The following CRTAM variants were observed in gnomAD, a reference collection of about 807,000 sequenced individuals.
CRTAM encodes cytotoxic and regulatory T-cell molecule.
A neutral mutation model predicts 50.0 loss-of-function variants in CRTAM; 44 were observed. The observed-to-expected ratio is 0.88, with a 90% CI of 0.69 to 1.13. The LOEUF (loss-of-function observed/expected upper bound fraction) is 1.13. CRTAM is among the 50% of genes most tolerant of loss of function. CRTAM has a pLI of 0.00. For missense variants in CRTAM, 448 were observed against 457.5 expected (o/e 0.98, Z 0.19); for synonymous variants, 159 against 169.3 (o/e 0.94, Z 0.47).
chr11:122,868,076 C>T lies in CRTAM; in HGVS notation c.1028C>T (p.Ser343Leu). 1 of 1,611,872 alleles carries T rather than the reference C, an allele frequency of 6.2e-7. No homozygotes were observed. The highest frequency in any genetic ancestry group is 8.5e-7 in the Non-Finnish European group (1 of 1,178,124). ...YRSRSNNEET[S>L]SEEKNGQSSH... ...TCAAGGTCAAATAATGAAGAAACAT[C>T]ATCTGAAGAGAAAAATGGCCAATGT... The change falls in exon 9 of 10, where the codon TCA becomes TTA. Residue 343 changes from serine (S) to leucine (L), a missense_variant. By Grantham distance (145) the Ser-to-Leu change is moderately radical (BLOSUM62 -2). Transcript: ENST00000227348.
At chr11:122,862,365 A>G in intron 5 of CRTAM, 99 bp from the exon 6 acceptor site, 1 of 779,216 alleles carries the variant, frequency 1.3e-6, no homozygotes, top group Non-Finnish European at 2.3e-6. Flanking sequence ...CTCTACAAGC[A>G]GGTAGCCGCT....
rs201784769 is a variant in CRTAM at position 122,859,171 on chromosome 11, C to T, written c.653-3293C>T. Reference sequence around the variant, plus strand: ...ATTTTTTGAGATGAGTGCAGTGGCCCGATCTCAGCTCACTGCAACTTCCGC... The same window carrying T: ...ATTTTTTGAGATGAGTGCAGTGGCCTGATCTCAGCTCACTGCAACTTCCGC... On this transcript the variant is annotated intron_variant, in intron 5 of 9. Coordinates refer to ENST00000227348, the MANE Select transcript of CRTAM (RefSeq NM_019604.4). Among the ~76,000 whole-genome samples the T allele has an allele frequency of 7.9e-5, 12 of 151,904 alleles. No homozygotes were observed. The East Asian group carries it at 1.7e-3, about 22-fold the overall frequency.
intron 5 of CRTAM, among the ~76,000 whole-genome samples, chr11:122,858,050 C>G (rs1425275934): frequency 6.6e-6 from 1 of 152,042 alleles, no homozygotes; most frequent in East Asian, 1.9e-4. Context: ...GTTGCTAGTA[C>G]TACAGGCATG....
chr11:122,854,776 A>G (rs1348688686), intron 4 of CRTAM, among the ~76,000 whole-genome samples: 1 of 152,016 alleles, frequency 6.6e-6, no homozygotes, highest in Admixed American at 6.6e-5. Context: ...GATCTTCCCT[A>G]TATTGTATAG....
At chr11:122,863,135 G>A (rs1030686251) in intron 6 of CRTAM, among the ~76,000 whole-genome samples, 1 of 151,940 alleles carries the variant, frequency 6.6e-6, no homozygotes, top group Non-Finnish European at 1.5e-5. Context: ...ACTCACTAGA[G>A]GTTAACTCAG....
intron 5 of CRTAM, among the ~76,000 whole-genome samples, chr11:122,859,936 T>TATCATC (rs56938322): frequency 0.22 from 33,538 of 151,968 alleles, 4,216 homozygotes; most frequent in East Asian, 0.35. Context: ...CATTCATTAA[T>TATCATC]ATCATCACCG....
chr11:122,838,759 A>G (rs1158584638), intron 1 of CRTAM, among the ~76,000 whole-genome samples, 167 bp downstream of exon 1: 1 of 152,126 alleles, frequency 6.6e-6, no homozygotes, highest in Non-Finnish European at 1.5e-5. Context: ...GAGGGATGTT[A>G]CTGCGTTTAT....
At chr11:122,838,730 A>G (rs1335632462) in intron 1 of CRTAM, 138 bp downstream of exon 1, 1 of 718,364 alleles carries the variant, frequency 1.4e-6, no homozygotes, top group South Asian at 1.8e-5. Context: ...TTTCCAAGCC[A>G]TGCTCAAATC....
intron 6 of CRTAM, among the ~76,000 whole-genome samples, chr11:122,863,296 AAGAG>A (rs1303769698): frequency 4.0e-5 from 6 of 149,540 alleles, no homozygotes; most frequent in African/African-American, 1.5e-4. Context: ...AAAAGAAAGA[AAGAG>A]AGAAAGAAAA....
At chr11:122,860,664 A>G (rs1374076315) in intron 5 of CRTAM, among the ~76,000 whole-genome samples, 1 of 152,162 alleles carries the variant, frequency 6.6e-6, no homozygotes, top group Non-Finnish European at 1.5e-5. Context: ...TTAAATCACT[A>G]TTGATAAATT....
chr11:122,868,780 G>A (rs997165931), intron 9 of CRTAM, among the ~76,000 whole-genome samples: 3 of 152,126 alleles, frequency 2.0e-5, no homozygotes, highest in Admixed American at 6.5e-5. Context: ...AGGCCGAGGC[G>A]GGCGGATCAC....
chr11:122,840,850 C>T (rs575998479), intron 1 of CRTAM, among the ~76,000 whole-genome samples: 2 of 151,880 alleles, frequency 1.3e-5, no homozygotes, highest in African/African-American at 2.4e-5. Context: ...CTTTTCAAGG[C>T]CACTCCCAGA....
chr11:122,849,688 C>G (rs1861906002), intron 1 of CRTAM, among the ~76,000 whole-genome samples: 1 of 151,992 alleles, frequency 6.6e-6, no homozygotes, highest in South Asian at 2.1e-4. Context: ...TGCCACTGGA[C>G]TTCAGCCTGG....
At chr11:122,858,923 A>T (rs1862038455) in intron 5 of CRTAM, among the ~76,000 whole-genome samples, 1 of 152,120 alleles carries the variant, frequency 6.6e-6, no homozygotes, top group Non-Finnish European at 1.5e-5. Context: ...CAGTTCTCAA[A>T]CTTTTGATTT....
At chr11:122,854,385 A>T (rs996953339) in intron 4 of CRTAM, among the ~76,000 whole-genome samples, 1 of 152,250 alleles carries the variant, frequency 6.6e-6, no homozygotes, top group African/African-American at 2.4e-5. Context: ...GAAGTATAAT[A>T]TCTCAGGCGA....
At chr11:122,859,822 C>T (rs1591354329) in intron 5 of CRTAM, among the ~76,000 whole-genome samples, 1 of 152,142 alleles carries the variant, frequency 6.6e-6, no homozygotes, top group African/African-American at 2.4e-5. Flanking sequence ...GAATTTTTAC[C>T]CAGGCATGAT....
intron 8 of CRTAM, among the ~76,000 whole-genome samples, 157 bp downstream of exon 8, chr11:122,867,712 C>T (rs987412929): frequency 2.6e-5 from 4 of 152,166 alleles, no homozygotes; most frequent in Non-Finnish European, 4.4e-5. Flanking sequence ...CTAGTAAACT[C>T]GGGTGTGAAT....
In CRTAM at chr11:122,854,025, C is replaced by A; in HGVS notation, c.429C>A (p.Thr143=). The part of the protein sequence containing the change: ...GEEHVVLMCS[T]MRSKPPPQIT... ...AACATGTTGTACTCATGTGCTCCACCATGAGAAGCAAGCCCCCTCCGCAGA... is the reference window on the plus strand; with the variant it reads ...AACATGTTGTACTCATGTGCTCCACAATGAGAAGCAAGCCCCCTCCGCAGA... Residue 143 remains threonine, a synonymous_variant, in exon 4 of 10, where the codon ACC becomes ACA. Coordinates refer to ENST00000227348, the MANE Select transcript of CRTAM (RefSeq NM_019604.4). 6.2e-7 allele frequency: 1 copy of A among 1,614,052 alleles called. No individual in the cohort carries two copies. The highest frequency in any genetic ancestry group is 8.5e-7 in the Non-Finnish European group (1 of 1,179,976).
At chr11:122,855,984 G>T in intron 5 of CRTAM, 128 bp downstream of exon 5, 1 of 742,018 alleles carries the variant, frequency 1.3e-6, no homozygotes. Context: ...TTTCCTAATA[G>T]CAAATTCCTG....
Sources: allele counts gnomAD v4.1 joint callset (sites outside exome capture counted in the v4.1 genomes callset), GRCh38; gene constraint gnomAD v4.1.1; transcripts MANE v1.5; gene names NCBI Gene and HGNC (gene_info 2026-07-23, HGNC 2026-07-21).